Variants in STAB2 observed in about 807,000 individuals in gnomAD.
STAB2 encodes the protein stabilin-2.
STAB2 carries 288 observed loss-of-function variants against 338.1 expected under a neutral mutation model. The ratio of observed to expected loss-of-function variants is 0.85; its 90% confidence interval spans 0.77 to 0.94. The LOEUF is 0.94. Ranked by LOEUF, STAB2 falls within the 40% of genes least tolerant of loss-of-function variation. STAB2 has a pLI of 0.00. For missense variants in STAB2, 3,141 were observed against 3,210.1 expected (o/e 0.98, Z 0.52); for synonymous variants, 1,202 against 1,193.3 (o/e 1.01, Z -0.15).
intron 48 of STAB2, among the ~76,000 whole-genome samples, chr12:103,729,807 G>A (rs1282057110): frequency 6.6e-6 from 1 of 152,222 alleles, no homozygotes; most frequent in Non-Finnish European, 1.5e-5. Flanking sequence ...AAAAAAGCCA[G>A]GGGAGGAGGT....
chr12:103,610,278 G>C (rs577166702), intron 3 of STAB2, among the ~76,000 whole-genome samples: 2 of 152,160 alleles, frequency 1.3e-5, no homozygotes, highest in African/African-American at 2.4e-5. Context: ...ACTCCTCCTC[G>C]TACCTCTGGT....
intron 15 of STAB2, among the ~76,000 whole-genome samples, chr12:103,658,320 C>T (rs1427727762): frequency 1.3e-5 from 2 of 152,134 alleles, no homozygotes; most frequent in East Asian, 3.9e-4. Flanking sequence ...CCAAAAGGCT[C>T]TTCAACAACG....
At chr12:103,670,197 T>C (rs945373657) in intron 21 of STAB2, among the ~76,000 whole-genome samples, 1 of 151,940 alleles carries the variant, frequency 6.6e-6, no homozygotes, top group Non-Finnish European at 1.5e-5. Flanking sequence ...ACAAGGAGAA[T>C]AGGGAGAGGC....
At chr12:103,605,239 A>G (rs1429433761) in intron 3 of STAB2, among the ~76,000 whole-genome samples, 1 of 151,972 alleles carries the variant, frequency 6.6e-6, no homozygotes, top group South Asian at 2.1e-4. Context: ...AGCTAATACC[A>G]TGCTTAGAAG....
intron 19 of STAB2, 114 bp downstream of exon 19, chr12:103,666,467 T>A (rs1225614536): frequency 1.1e-5 from 12 of 1,082,386 alleles, no homozygotes; most frequent in Non-Finnish European, 1.7e-5. Flanking sequence ...TGGGGTAATA[T>A]AAGATGGGCT....
chr12:103,701,442 A>G (rs1217979008), intron 34 of STAB2, among the ~76,000 whole-genome samples: 1 of 152,196 alleles, frequency 6.6e-6, no homozygotes, highest in Non-Finnish European at 1.5e-5. Context: ...GACTTCCACA[A>G]TGGTTGAACT....
In STAB2 at chr12:103,745,213, C is replaced by T. The variant is rs1248887491; in HGVS notation, c.6072C>T (p.Ile2024=). The T allele has an allele frequency of 1.4e-5, 23 of 1,613,910 alleles. No homozygotes were observed. Among genetic ancestry groups the T allele is most frequent in the Non-Finnish European group, 1.7e-5 (20 of 1,180,004 alleles). The change falls in exon 57 of 69, where the codon ATC becomes ATT. Residue 2024 remains isoleucine (I), a synonymous_variant. Transcript: ENST00000388887. The stretch of plus-strand genomic sequence containing the variant: ...ACCACGGACAGTGCGATGATGGCAT[C>T]ACGGGCTCCGGGCAGTGCCTCTGTG... The part of the protein sequence containing the change: ...CSDHGQCDDG[I]TGSGQCLCET...
intron 68 of STAB2, among the ~76,000 whole-genome samples, chr12:103,765,659 T>A (rs1884892753): frequency 6.6e-6 from 1 of 152,114 alleles, no homozygotes; most frequent in Admixed American, 6.5e-5. Context: ...CAGGTGATCC[T>A]CCCACCTCAG....
chr12:103,699,324 A>G (rs1878666332), intron 34 of STAB2, 97 bp downstream of exon 34: 1 of 1,440,836 alleles, frequency 6.9e-7, no homozygotes, highest in African/African-American at 1.4e-5. Context: ...ATCCTTCATC[A>G]CTTCTGTATT....
In STAB2 at chr12:103,669,897, G is replaced by T. The variant is rs367799176; in HGVS notation, c.2259+270G>T. Reference sequence around the variant, plus strand: ...CTCAAGAAGGATCTCTGGGCCTCACGTTCCTCCTGTGGGAGATATCAGGGT... The same window carrying T: ...CTCAAGAAGGATCTCTGGGCCTCACTTTCCTCCTGTGGGAGATATCAGGGT... On this transcript the variant is annotated intron_variant, in intron 21 of 68. Coordinates refer to ENST00000388887, the MANE Select transcript of STAB2 (RefSeq NM_017564.10). 1.7e-3 allele frequency among the ~76,000 whole-genome samples: 264 copies of T among 152,286 alleles called. 2 individuals are homozygous for T. Among genetic ancestry groups the T allele is most frequent in the African/African-American group, 5.8e-3 (242 of 41,562 alleles).
chr12:103,738,593 G>A (rs972889801), intron 53 of STAB2, among the ~76,000 whole-genome samples: 3 of 152,198 alleles, frequency 2.0e-5, no homozygotes, highest in African/African-American at 7.2e-5. Context: ...CAAAGTAGGA[G>A]ATGAAACCAG....
At chr12:103,641,560 A>G (rs538982221) in intron 9 of STAB2, among the ~76,000 whole-genome samples, 2 of 152,338 alleles carry the variant, frequency 1.3e-5, no homozygotes, top group East Asian at 3.9e-4. Context: ...ATATGCATCC[A>G]GGCACACCCT....
intron 36 of STAB2, among the ~76,000 whole-genome samples, chr12:103,705,340 C>A (rs1879249348): frequency 6.6e-6 from 1 of 152,202 alleles, no homozygotes; most frequent in African/African-American, 2.4e-5. Flanking sequence ...GACATTTTTA[C>A]CTGGTTTACT....
intron 3 of STAB2, 113 bp from the exon 4 acceptor site, chr12:103,620,355 C>CA (rs1957279005): frequency 3.1e-6 from 3 of 966,032 alleles, no homozygotes; most frequent in South Asian, 3.3e-5. Context: ...ACAGGTTCTG[C>CA]AATTATTTCT....
At chr12:103,670,556 A>G in intron 21 of STAB2, 140 bp from the exon 22 acceptor site, 2 of 675,478 alleles carry the variant, frequency 3.0e-6, no homozygotes, top group Admixed American at 4.9e-5. Context: ...CTGATATCAC[A>G]TGACTCCACT....
At chr12:103,705,789 G>C (rs1336020913) in intron 37 of STAB2, 62 bp downstream of exon 37, 11 of 1,513,568 alleles carry the variant, frequency 7.3e-6, no homozygotes, top group Non-Finnish European at 1.0e-5. Context: ...CCATCATATG[G>C]TATCCTTTTC....
In STAB2 at chr12:103,713,716, G is replaced by A; in HGVS notation, c.4485G>A (p.Arg1495=). Residue 1495 remains arginine (R), a synonymous_variant, in exon 42 of 69, where the codon AGG becomes AGA. Transcript: ENST00000388887. ...ACTGTAAGAGAACCACCCCAGGAAG[G>A]CGAGTGTGCACGTGCAAAGCAGGCT... is the stretch of plus-strand genomic sequence containing the variant. ...KADCKRTTPG[R]RVCTCKAGYT... The A allele has an allele frequency of 2.5e-6, 4 of 1,614,120 alleles. No homozygotes were observed. The East Asian group carries it at 6.7e-5, about 27-fold the overall frequency.
intron 35 of STAB2, among the ~76,000 whole-genome samples, chr12:103,704,007 T>G (rs1488210250): frequency 6.6e-6 from 1 of 152,194 alleles, no homozygotes; most frequent in African/African-American, 2.4e-5. Context: ...GTAGGCAGCC[T>G]GGCCCAGAAC....
Position 103,619,018 on chromosome 12 carries a change from G to A in STAB2, c.332-1450G>A, listed in dbSNP as rs539599236. 4.6e-5 allele frequency among the ~76,000 whole-genome samples: 7 copies of A among 152,252 alleles called. No individual in the cohort carries two copies. In the East Asian group the frequency reaches 5.8e-4, roughly 13 times the overall value. ...CCTCTTGCCTGCTGCCGTGTAAGACGTCACTTTGCTCTTTCTTTGTCTTCT... is the reference window on the plus strand; with the variant it reads ...CCTCTTGCCTGCTGCCGTGTAAGACATCACTTTGCTCTTTCTTTGTCTTCT... On this transcript the variant is annotated intron_variant, in intron 3 of 68. Transcript: ENST00000388887.
Sources: gnomAD v4.1 joint callset for allele counts (sites outside exome capture counted in the v4.1 genomes callset) on GRCh38, gnomAD v4.1.1 for gene constraint, MANE v1.5 for transcripts, NCBI Gene and HGNC (gene_info 2026-07-23, HGNC 2026-07-21) for gene names.